The following GLIS3 variants were observed in gnomAD, a reference collection of about 807,000 sequenced individuals.
The protein encoded by GLIS3 is zinc finger protein GLIS3.
In GLIS3, 53 loss-of-function variants were observed where a neutral mutation model predicts 78.6. That is an observed-to-expected ratio of 0.67 (90% CI 0.54 to 0.85). The LOEUF (loss-of-function observed/expected upper bound fraction) is 0.85. GLIS3 is among the 40% of genes least tolerant of loss of function. The pLI is 0.00. For missense variants in GLIS3, 1,703 were observed against 1,231.1 expected (o/e 1.38, Z -5.74); for synonymous variants, 684 against 509.9 (o/e 1.34, Z -4.60).
chr9:3,873,503 A>T (rs142898544), intron 8 of GLIS3, among the ~76,000 whole-genome samples: 1 of 152,172 alleles, frequency 6.6e-6, no homozygotes, highest in Admixed American at 6.5e-5. Flanking sequence ...GAATAAATTC[A>T]ATGTCTGGTA....
chr9:3,854,540 G>GT (rs1819634815), intron 9 of GLIS3, among the ~76,000 whole-genome samples: 1 of 61,124 alleles, frequency 1.6e-5, no homozygotes, highest in Non-Finnish European at 4.8e-5. Flanking sequence ...TTACGTTGAT[G>GT]TTCTTTTTTT....
chr9:4,140,161 A>G (rs1449838385), intron 2 of GLIS3, among the ~76,000 whole-genome samples: 1 of 152,144 alleles, frequency 6.6e-6, no homozygotes, highest in Non-Finnish European at 1.5e-5. Context: ...CTGTCTCCAC[A>G]AAAAATACAA....
the GLIS3 span, among the ~76,000 whole-genome samples, chr9:4,386,128 C>G: frequency 6.6e-6 from 1 of 152,100 alleles, no homozygotes; most frequent in African/African-American, 2.4e-5. Context: ...AGCACATGTC[C>G]ACAGTAGAAA....
chr9:3,839,565 T>C (rs1455019494), intron 9 of GLIS3, among the ~76,000 whole-genome samples: 1 of 150,694 alleles, frequency 6.6e-6, no homozygotes, highest in African/African-American at 2.5e-5. Context: ...TTAAGTAATA[T>C]TGTCCCAAGT....
At chr9:4,099,481 T>C (rs941788797) in intron 4 of GLIS3, among the ~76,000 whole-genome samples, 10 of 152,110 alleles carry the variant, frequency 6.6e-5, no homozygotes, top group Non-Finnish European at 1.3e-4. Context: ...GTGTCCAACT[T>C]TCTCCTTTTT....
At chr9:4,211,609 C>G (rs1820380776) in intron 2 of GLIS3, among the ~76,000 whole-genome samples, 1 of 152,190 alleles carries the variant, frequency 6.6e-6, no homozygotes. Flanking sequence ...CTTTGCAAAA[C>G]AGTTTGGTAG....
At chr9:3,974,158 CT>C (rs1484141398) in intron 4 of GLIS3, among the ~76,000 whole-genome samples, 3 of 151,298 alleles carry the variant, frequency 2.0e-5, no homozygotes, top group Non-Finnish European at 4.4e-5. Flanking sequence ...GGATTTACAC[CT>C]TTTTTTTTCT....
chr9:4,359,984 A>G, the GLIS3 span, among the ~76,000 whole-genome samples: 1 of 151,850 alleles, frequency 6.6e-6, no homozygotes, highest in African/African-American at 2.4e-5. Context: ...ATATATACAT[A>G]TAATGTATTT....
intron 2 of GLIS3, among the ~76,000 whole-genome samples, chr9:4,174,727 T>C (rs1322115494): frequency 6.6e-6 from 1 of 152,234 alleles, no homozygotes; most frequent in Non-Finnish European, 1.5e-5. Context: ...CTGCAGTTGC[T>C]TCATCTTGGA....
At chr9:3,959,428 G>A (rs1177919119) in intron 4 of GLIS3, among the ~76,000 whole-genome samples, 1 of 152,176 alleles carries the variant, frequency 6.6e-6, no homozygotes, top group African/African-American at 2.4e-5. Flanking sequence ...AGAGGACTAA[G>A]GCAGCTTTAA....
At chr9:3,942,378 G>A (rs1815990156) in intron 4 of GLIS3, among the ~76,000 whole-genome samples, 1 of 152,122 alleles carries the variant, frequency 6.6e-6, no homozygotes, top group South Asian at 2.1e-4. Context: ...CGAAGTATAT[G>A]CCAGTTCCCA....
chr9:4,487,577 T>C, the GLIS3 span, among the ~76,000 whole-genome samples: 1,654 of 152,212 alleles, frequency 0.011, 39 homozygotes, highest in African/African-American at 0.035. Context: ...AGTTGTGATG[T>C]ACACATAGTT....
upstream of GLIS3, among the ~76,000 whole-genome samples, chr9:4,352,234 G>A (rs1366055614): frequency 6.6e-6 from 1 of 152,242 alleles, no homozygotes; most frequent in Non-Finnish European, 1.5e-5. Flanking sequence ...ACACCCAGTT[G>A]TGTTCTCTTT....
At chr9:4,119,006 T>C (rs566494167) in intron 3 of GLIS3, 125 bp from the exon 4 acceptor site, 3 of 999,626 alleles carry the variant, frequency 3.0e-6, no homozygotes, top group East Asian at 2.6e-5. Flanking sequence ...TTACATTCTG[T>C]GCTAAACACA....
chr9:3,977,687 G>A lies in GLIS3; in HGVS notation c.1711-40498C>T, dbSNP rs1309386764. On this transcript the variant is annotated intron_variant, in intron 4 of 10. Transcript: ENST00000381971. This position sits in a 1 kb window ranked among gnomAD's most constrained non-coding sequence, Gnocchi z 4.1. ...ATGACGGCTTAGTTCAAAGATCATA[G>A]AGATGTTACTTTACTTTAATAGTTC... Among the ~76,000 whole-genome samples the A allele has an allele frequency of 6.6e-6, 1 of 152,164 alleles. No individual in the cohort carries two copies. The highest frequency in any genetic ancestry group is 2.4e-5 in the African/African-American group (1 of 41,444).
intron 4 of GLIS3, among the ~76,000 whole-genome samples, chr9:4,040,979 C>T (rs1824765944): frequency 6.6e-6 from 1 of 152,158 alleles, no homozygotes. Flanking sequence ...TCTTTCTCAA[C>T]ATTCTAATCC....
At chr9:3,905,283 C>T (rs1027359228) in intron 6 of GLIS3, among the ~76,000 whole-genome samples, 1 of 151,708 alleles carries the variant, frequency 6.6e-6, no homozygotes, top group Non-Finnish European at 1.5e-5. Context: ...AGCCACTGAG[C>T]CCCGCCTGAC....
intron 2 of GLIS3, among the ~76,000 whole-genome samples, chr9:4,247,687 A>C (rs1308391191): frequency 1.3e-5 from 2 of 152,220 alleles, no homozygotes; most frequent in African/African-American, 4.8e-5. Context: ...TATTAAAAGA[A>C]GTAACAGAGC....
chr9:3,824,245 C>A lies in GLIS3; in HGVS notation c.*4027G>T, dbSNP rs1817607911. The A allele has an allele frequency of 6.6e-6, 1 of 152,590 alleles. No homozygotes were observed. Among genetic ancestry groups the A allele is most frequent in the South Asian group, 2.1e-4 (1 of 4,832 alleles). 9.5% of individuals were successfully genotyped at this position (152,590 alleles called of 1,614,324 possible). A position where few individuals can be genotyped will look rare whatever the true frequency, so the allele number is the denominator to read the frequency against. ...TTCATTTTTACTGCCATTTCCTCCT[C>A]ATATCTATAATTAAATCCAGGCTAC... On this transcript the variant is annotated 3_prime_UTR_variant, in exon 11 of 11. Transcript: ENST00000381971.
Sources: gnomAD v4.1 joint callset for allele counts (sites outside exome capture counted in the v4.1 genomes callset) on GRCh38, gnomAD v4.1.1 for gene constraint, Gnocchi (gnomAD v3.1) non-coding constraint, MANE v1.5 for transcripts, NCBI Gene and HGNC (gene_info 2026-07-23, HGNC 2026-07-21) for gene names.